The following NELL1 variants were observed in gnomAD, a reference collection of about 807,000 sequenced individuals.
NELL1 encodes the protein neural EGFL like 1.
NELL1 carries 76 observed loss-of-function variants against 107.4 expected under a neutral mutation model. That is an observed-to-expected ratio of 0.71 (90% confidence interval 0.59 to 0.86). The LOEUF (loss-of-function observed/expected upper bound fraction) is 0.86, where lower values mean the gene tolerates loss of function less well. NELL1 is among the 40% of genes least tolerant of loss of function. The pLI is 0.00. For missense variants in NELL1, 1,024 were observed against 1,005.5 expected, an observed-to-expected ratio of 1.02 and a Z score of -0.25; for synonymous variants, 353 against 341.2, an observed-to-expected ratio of 1.03 and a Z score of -0.38.
intron 12 of NELL1, among the ~76,000 whole-genome samples, chr11:21,064,425 C>G (rs1162842761): frequency 6.6e-6 from 1 of 152,024 alleles, no homozygotes; most frequent in Non-Finnish European, 1.5e-5. Flanking sequence ...GAGGGGGTGA[C>G]AGTCGGTCAG....
intron 2 of NELL1, among the ~76,000 whole-genome samples, chr11:20,738,725 A>T (rs1453086303): frequency 6.6e-6 from 1 of 152,140 alleles, no homozygotes; most frequent in Non-Finnish European, 1.5e-5. Flanking sequence ...TTCCCAGGGT[A>T]TTGTGAATCA....
chr11:21,182,232 GA>G (rs1856842984), intron 13 of NELL1, among the ~76,000 whole-genome samples: 1 of 151,702 alleles, frequency 6.6e-6, no homozygotes, highest in Admixed American at 6.6e-5. Context: ...TCATGAGTTC[GA>G]GAGCAGCCTG....
intron 14 of NELL1, among the ~76,000 whole-genome samples, chr11:21,317,299 T>TTC (rs1849899869): frequency 1.3e-5 from 2 of 151,852 alleles, no homozygotes; most frequent in African/African-American, 2.4e-5. Context: ...TAGGGTTTAT[T>TTC]TCTCCTTCCA....
intron 5 of NELL1, among the ~76,000 whole-genome samples, chr11:20,897,100 G>A (rs1349111949): frequency 1.3e-5 from 2 of 152,094 alleles, no homozygotes; most frequent in African/African-American, 4.8e-5. Context: ...AGCCCGCATT[G>A]CCAAGTCAAT....
chr11:21,366,230 G>A (rs1851216470), intron 14 of NELL1, among the ~76,000 whole-genome samples: 1 of 152,048 alleles, frequency 6.6e-6, no homozygotes, highest in Non-Finnish European at 1.5e-5. Context: ...ACAGAAGAAG[G>A]CCGACTTATC....
chr11:21,211,936 G>T (rs752710943), intron 13 of NELL1, among the ~76,000 whole-genome samples: 1 of 151,846 alleles, frequency 6.6e-6, no homozygotes, highest in South Asian at 2.1e-4. Flanking sequence ...AATGATTCTC[G>T]TGCCTCAGCT....
intron 13 of NELL1, among the ~76,000 whole-genome samples, chr11:21,215,024 T>A (rs1857584169): frequency 1.3e-5 from 2 of 152,312 alleles, no homozygotes; most frequent in South Asian, 4.1e-4. Context: ...GTATATAGGA[T>A]GCTGATATGG....
intron 2 of NELL1, among the ~76,000 whole-genome samples, chr11:20,740,727 T>C (rs985534696): frequency 2.0e-5 from 3 of 152,216 alleles, no homozygotes; most frequent in Admixed American, 6.5e-5. Context: ...ACCTCCTTGG[T>C]TGCAACAAAG....
At chr11:21,429,094 A>G (rs759725189) in intron 15 of NELL1, among the ~76,000 whole-genome samples, 2 of 152,178 alleles carry the variant, frequency 1.3e-5, no homozygotes, top group Non-Finnish European at 1.5e-5. Context: ...TCCTAATGAC[A>G]TAGCATTTTT....
intron 5 of NELL1, among the ~76,000 whole-genome samples, chr11:20,914,013 A>G (rs1451471931): frequency 6.6e-6 from 1 of 152,106 alleles, no homozygotes; most frequent in East Asian, 1.9e-4. Context: ...TTTGATAACA[A>G]GACCTCTTTG....
At chr11:21,163,095 G>A (rs1367647136) in intron 13 of NELL1, among the ~76,000 whole-genome samples, 3 of 152,172 alleles carry the variant, frequency 2.0e-5, no homozygotes, top group Non-Finnish European at 4.4e-5. Context: ...AAGAGCAGGT[G>A]CTTGAGAAAT....
chr11:21,297,784 A>G (rs7113324), intron 14 of NELL1, among the ~76,000 whole-genome samples: 19 of 152,132 alleles, frequency 1.2e-4, no homozygotes, highest in East Asian at 5.8e-4. Context: ...TAATGGAGGT[A>G]TAAGCAGGAT....
At chr11:21,480,714 G>T (rs562231307) in intron 15 of NELL1, among the ~76,000 whole-genome samples, 1 of 152,310 alleles carries the variant, frequency 6.6e-6, no homozygotes, top group Non-Finnish European at 1.5e-5. Context: ...CTGCTCATTA[G>T]TAAGTAGATG....
chr11:20,936,894 C>G (rs1459960777), intron 9 of NELL1, among the ~76,000 whole-genome samples: 1 of 152,080 alleles, frequency 6.6e-6, no homozygotes, highest in South Asian at 2.1e-4. Context: ...AAGACCAACA[C>G]CGAATTAGTG....
At chr11:21,042,456 A>G (rs1369380351) in intron 12 of NELL1, among the ~76,000 whole-genome samples, 1 of 152,190 alleles carries the variant, frequency 6.6e-6, no homozygotes, top group Non-Finnish European at 1.5e-5. Flanking sequence ...GAAAATGAAT[A>G]TTCACAGGTA....
chr11:21,344,063 A>G (rs1850632655), intron 14 of NELL1, among the ~76,000 whole-genome samples: 1 of 152,232 alleles, frequency 6.6e-6, no homozygotes, highest in Admixed American at 6.5e-5. Context: ...ATCAGTACAT[A>G]CTAAATTACC....
chr11:20,936,651 G>A (rs1850731888), intron 9 of NELL1, among the ~76,000 whole-genome samples: 1 of 151,788 alleles, frequency 6.6e-6, no homozygotes, highest in Non-Finnish European at 1.5e-5. Context: ...TGTAATTACT[G>A]TCTATTTCCC....
intron 2 of NELL1, among the ~76,000 whole-genome samples, chr11:20,704,163 T>C (rs1021297603): frequency 6.6e-6 from 1 of 152,060 alleles, no homozygotes; most frequent in Admixed American, 6.6e-5. Flanking sequence ...GTCTCTAAGG[T>C]CTTGCTTTAT....
At chr11:20,809,490 C>G (rs1170570428) in intron 3 of NELL1, among the ~76,000 whole-genome samples, 2 of 149,368 alleles carry the variant, frequency 1.3e-5, no homozygotes, top group Non-Finnish European at 3.0e-5. Context: ...CTAGTTGTAG[C>G]TTTGTAAAAG....
Sources: gnomAD v4.1 joint callset for allele counts (sites outside exome capture counted in the v4.1 genomes callset) on GRCh38, gnomAD v4.1.1 for gene constraint, MANE v1.5 for transcripts, NCBI Gene and HGNC (gene_info 2026-07-23, HGNC 2026-07-21) for gene names.